Variants in RBM6 observed in about 807,000 individuals in gnomAD.
RBM6 encodes RNA binding motif protein 6, also known as RNA-binding protein 6.
Under a neutral mutation model 140.4 loss-of-function variants are expected in RBM6, and 23 were observed. The observed-to-expected ratio is 0.16, with a 90% CI of 0.12 to 0.23. The LOEUF is 0.23. Among genes scored for constraint, RBM6 ranks in the 10% least tolerant of loss-of-function variants. The probability of loss-of-function intolerance (pLI) is 1.00; values close to 1 mark genes in which losing one functional copy is unlikely to be tolerated. For missense variants in RBM6, 1,139 were observed against 1,386.7 expected (o/e 0.82, Z 2.84); for synonymous variants, 439 against 475.6 (o/e 0.92, Z 1.00).
At chr3:50,061,818 GT>G in intron 14 of RBM6, 143 bp from the exon 15 acceptor site, 1 of 1,296,570 alleles carries the variant, frequency 7.7e-7, no homozygotes, top group Non-Finnish European at 1.0e-6. Context: ...CCTGGAGTGG[GT>G]TTTTAGATTG....
rs571833404 is a variant in RBM6, at chr3:50,044,125, G to A, written c.1558-4120G>A. 1.4e-4 allele frequency among the ~76,000 whole-genome samples: 21 copies of A among 145,698 alleles called. No homozygotes were observed. In the East Asian group the frequency reaches 4.5e-3, roughly 31 times the overall value. On this transcript the variant is annotated intron_variant, in intron 6 of 20. Transcript: ENST00000266022. The stretch of plus-strand genomic sequence containing the variant: ...CGAACTGAGCTCAGGCAGTCCACCC[G>A]CCTCGGCCTCCCAAAGTGCTAGGAT...
chr3:49,978,275 A>G (rs1386390441), intron 5 of RBM6, among the ~76,000 whole-genome samples: 1 of 152,120 alleles, frequency 6.6e-6, no homozygotes, highest in East Asian at 1.9e-4. Flanking sequence ...TGCTGGGATT[A>G]CAGATGTGAA....
intron 1 of RBM6, among the ~76,000 whole-genome samples, chr3:49,955,092 C>T (rs1441341552): frequency 3.3e-5 from 5 of 150,052 alleles, no homozygotes; most frequent in African/African-American, 1.2e-4. Context: ...TACATAATAG[C>T]TTATCCTGTA....
chr3:49,984,030 AC>A (rs1220416089), intron 5 of RBM6, among the ~76,000 whole-genome samples: 6 of 152,232 alleles, frequency 3.9e-5, no homozygotes, highest in Admixed American at 3.3e-4. Context: ...AGTGGCTCAA[AC>A]CTGTAATTCC....
intron 1 of RBM6, among the ~76,000 whole-genome samples, chr3:49,953,072 T>C (rs1466932128): frequency 6.6e-6 from 1 of 151,834 alleles, no homozygotes; most frequent in East Asian, 1.9e-4. Flanking sequence ...TTCTTTTTTT[T>C]TGAGGCAGGG....
intron 4 of RBM6, among the ~76,000 whole-genome samples, chr3:49,973,640 C>A (rs1312652606): frequency 5.5e-5 from 8 of 145,008 alleles, no homozygotes; most frequent in African/African-American, 2.1e-4. Context: ...GGCTGGAGTG[C>A]AGTGGCGCGA....
At chr3:50,046,172 T>C (rs1365653768) in intron 6 of RBM6, among the ~76,000 whole-genome samples, 3 of 151,182 alleles carry the variant, frequency 2.0e-5, no homozygotes, top group African/African-American at 7.3e-5. Flanking sequence ...TCCCAGCTAC[T>C]CGGGAGGCTG....
chr3:50,014,491 A>G (rs1422291258), intron 6 of RBM6, among the ~76,000 whole-genome samples: 1 of 152,256 alleles, frequency 6.6e-6, no homozygotes, highest in Non-Finnish European at 1.5e-5. Flanking sequence ...ATGTTACTTC[A>G]TATTTCAGAT....
Position 50,075,276 on chromosome 3 carries a change from G to C in RBM6, c.3192G>C (p.Trp1064Cys), listed in dbSNP as rs749491149. The change falls in exon 20 of 21, where the codon TGG becomes TGC. Residue 1064 changes from tryptophan (W) to cysteine (C), a missense_variant. Trp to Cys is a radical substitution (Grantham distance 215). Coordinates refer to ENST00000266022, the MANE Select transcript of RBM6 (RefSeq NM_005777.3). ...GCTGTGTCCAACAGGCTACTGGCTG[G>C]AGGAAAGGGACAGGCCTGGGATATG... ...KGGCVQQATG[W>C]RKGTGLGYGH... 1 of 1,614,236 alleles carries C rather than the reference G, an allele frequency of 6.2e-7. No homozygotes were observed. Among genetic ancestry groups the C allele is most frequent in the Non-Finnish European group, 8.5e-7 (1 of 1,180,040 alleles).
intron 1 of RBM6, among the ~76,000 whole-genome samples, chr3:49,951,142 G>T (rs1026532418): frequency 2.0e-5 from 3 of 152,204 alleles, no homozygotes; most frequent in Admixed American, 6.6e-5. Flanking sequence ...ACTTTGAGTA[G>T]TGAAAATCAT....
intron 5 of RBM6, 115 bp from the exon 6 acceptor site, chr3:49,999,325 G>A: frequency 1.2e-6 from 1 of 805,758 alleles, no homozygotes; most frequent in South Asian, 1.5e-5. Flanking sequence ...GGGGAGGGAG[G>A]GGTTAGTTGG....
At chr3:49,960,968 G>T (rs1221964413) in intron 1 of RBM6, among the ~76,000 whole-genome samples, 4 of 148,886 alleles carry the variant, frequency 2.7e-5, no homozygotes, top group African/African-American at 1.0e-4. Context: ...GGAATGCAGT[G>T]GTGCGATCTT....
chr3:49,976,601 T>G lies in RBM6; in HGVS notation c.1483+1209T>G, dbSNP rs534035703. On this transcript the variant is annotated intron_variant, in intron 5 of 20. Coordinates refer to ENST00000266022, the MANE Select transcript of RBM6 (RefSeq NM_005777.3). ...GGTAGAATTTACAGGCTGGAGATGC[T>G]TTTTAACTCTCAGGATAATAACCTC... Among the ~76,000 whole-genome samples, 11 of 152,324 alleles carry G rather than the reference T, an allele frequency of 7.2e-5. No homozygotes were observed. The East Asian group carries it at 2.1e-3, about 29-fold the overall frequency.
At chr3:50,058,592 G>C in intron 10 of RBM6, 30 bp downstream of exon 10, 1 of 1,564,666 alleles carries the variant, frequency 6.4e-7, no homozygotes, top group Non-Finnish European at 8.8e-7. Flanking sequence ...GATTGGCCTA[G>C]AGACAGATGG....
intron 19 of RBM6, among the ~76,000 whole-genome samples, chr3:50,074,060 C>T (rs2090386318): frequency 6.6e-6 from 1 of 152,144 alleles, no homozygotes; most frequent in Admixed American, 6.5e-5. Context: ...AACTCCTGAC[C>T]TCAGGTGATC....
intron 1 of RBM6, among the ~76,000 whole-genome samples, chr3:49,941,572 G>A (rs1205182075): frequency 2.0e-5 from 3 of 147,942 alleles, no homozygotes; most frequent in Non-Finnish European, 3.0e-5. Flanking sequence ...CCTGGGAGGC[G>A]GAGGTTGCGG....
intron 6 of RBM6, among the ~76,000 whole-genome samples, chr3:50,013,604 G>A (rs894749798): frequency 7.9e-5 from 12 of 152,150 alleles, no homozygotes; most frequent in Non-Finnish European, 2.9e-5. Flanking sequence ...GGAGGTGGAG[G>A]TTGCAGTGAG....
chr3:50,018,615 A>G (rs1427985436), intron 6 of RBM6, among the ~76,000 whole-genome samples: 1 of 88,362 alleles, frequency 1.1e-5, no homozygotes. Flanking sequence ...TTTTTTTGAC[A>G]CGGAGCCTTG....
chr3:49,983,845 G>T (rs1000440489), intron 5 of RBM6, among the ~76,000 whole-genome samples: 3 of 152,174 alleles, frequency 2.0e-5, no homozygotes, highest in Non-Finnish European at 2.9e-5. Flanking sequence ...GGCTAGTCTT[G>T]TGGAGGCAGT....
Sources: gnomAD v4.1 joint callset for allele counts (sites outside exome capture counted in the v4.1 genomes callset) on GRCh38, gnomAD v4.1.1 for gene constraint, MANE v1.5 for transcripts, NCBI Gene and HGNC (gene_info 2026-07-23, HGNC 2026-07-21) for gene names.